The following SLC39A14 variants were observed in gnomAD, a reference collection of about 807,000 sequenced individuals.
SLC39A14 encodes metal cation symporter ZIP14.
A neutral mutation model predicts 45.5 loss-of-function variants in SLC39A14; 19 were observed. The ratio of observed to expected loss-of-function variants is 0.42; its 90% confidence interval spans 0.29 to 0.61. The LOEUF is 0.61. Among genes scored for constraint, SLC39A14 ranks in the 20% least tolerant of loss-of-function variants. The pLI is 0.22. For synonymous variants in SLC39A14, 264 were observed against 251.3 expected (o/e 1.05, Z -0.48); for missense variants, 447 against 616.5 (o/e 0.73, Z 2.91).
intron 1 of SLC39A14, among the ~76,000 whole-genome samples, chr8:22,373,833 C>T (rs1833063379): frequency 6.6e-6 from 1 of 151,124 alleles, no homozygotes. Flanking sequence ...AGCGCAATCT[C>T]ACCGCAACCT....
chr8:22,406,617 A>G (rs1835228860), intron 2 of SLC39A14, among the ~76,000 whole-genome samples: 1 of 152,200 alleles, frequency 6.6e-6, no homozygotes, highest in Non-Finnish European at 1.5e-5. Flanking sequence ...GCTTGAGCCC[A>G]GGAGGCAGAG....
chr8:22,422,866 C>A, downstream of SLC39A14: 1 of 255,158 alleles, frequency 3.9e-6, no homozygotes, highest in Non-Finnish European at 6.2e-6. Context: ...TCTTGTCGCC[C>A]AGGCTGGAGT....
rs770187651 is a variant in SLC39A14, at chr8:22,416,183, C to T, written c.1050C>T (p.Ile350=). 1.4e-5 allele frequency: 23 copies of T among 1,613,942 alleles called. No homozygotes were observed. The highest frequency in any genetic ancestry group is 1.7e-4 in the Middle Eastern group (1 of 6,042). ...ITLSDGLHNF[I]DGLAIGASFT... is the part of the protein sequence containing the mutation. ...TGAGCGACGGCCTCCATAATTTCAT[C>T]GATGGCCTGGCCATCGGTGCTTCCT... is the stretch of plus-strand genomic sequence containing the variant. The change falls in exon 7 of 9, where the codon ATC becomes ATT. Residue 350 remains isoleucine, a synonymous_variant. Coordinates refer to ENST00000381237, the MANE Select transcript of SLC39A14 (RefSeq NM_001128431.4).
intron 1 of SLC39A14, among the ~76,000 whole-genome samples, chr8:22,369,882 G>A (rs1187776155): frequency 3.9e-5 from 6 of 152,152 alleles, no homozygotes; most frequent in African/African-American, 1.2e-4. Flanking sequence ...TTGTAGGAAT[G>A]GTGTGAGCCC....
rs905109025 is a variant in SLC39A14, at chr8:22,432,459, T to C, written c.1333-1432T>C. Among the ~76,000 whole-genome samples the C allele has an allele frequency of 6.0e-5, 9 of 149,606 alleles. No individual in the cohort carries two copies. The East Asian group carries it at 1.4e-3, about 23-fold the overall frequency. The stretch of plus-strand genomic sequence containing the variant: ...CTCTCTCTTCTCCCTCCTTCCTTTT[T>C]CTCTCTCTCTCTCTCTTTTTCTCTC... On this transcript the variant is annotated intron_variant, in intron 8 of 8. Coordinates refer to the SLC39A14 transcript ENST00000240095.
rs557586159 is a variant in SLC39A14, at chr8:22,413,318, A to T, written c.627+1112A>T. ...TGGATCCTTAGGTTAACTCCATGGC[A>T]TCGATAGAACAAGTAACGTTTTACC... On this transcript the variant is annotated intron_variant, in intron 4 of 8. Transcript: ENST00000381237. Among the ~76,000 whole-genome samples, 264 of 152,286 alleles carry T rather than the reference A, an allele frequency of 1.7e-3. 1 individual carries two copies. Among genetic ancestry groups the T allele is most frequent in the Middle Eastern group, 3.4e-3 (1 of 294 alleles).
Position 22,419,863 on chromosome 8 carries a change from TC to T in SLC39A14, c.*167del. The T allele has an allele frequency of 7.5e-7, 1 of 1,338,980 alleles. No individual in the cohort carries two copies. Among genetic ancestry groups the T allele is most frequent in the Non-Finnish European group, 9.5e-7 (1 of 1,048,252 alleles). 82.9% of individuals were successfully genotyped at this position (1,338,980 alleles called of 1,614,324 possible). A position where few individuals can be genotyped will look rare whatever the true frequency, so the allele number is the denominator to read the frequency against. The stretch of plus-strand genomic sequence containing the variant: ...TGTCAGCCGTTTGTAAAATGCTGTA[TC>T]CTAGGAATAAGCTGCCCTGGTAACC... On this transcript the variant is annotated 3_prime_UTR_variant, in exon 9 of 9. Coordinates refer to ENST00000381237, the MANE Select transcript of SLC39A14 (RefSeq NM_001128431.4).
Position 22,408,402 on chromosome 8 carries a change from C to T in SLC39A14, c.363C>T (p.Ile121=). 6.2e-7 allele frequency: 1 copy of T among 1,614,248 alleles called. No individual in the cohort carries two copies. Among genetic ancestry groups the T allele is most frequent in the Non-Finnish European group, 8.5e-7 (1 of 1,180,046 alleles). ...SSELQEFCPT[I]LQQLDSRACT... ...AGCTCCAGGAGTTCTGCCCCACCAT[C>T]CTCCAGCAGCTGGATTCCCGGGCCT... The change falls in exon 3 of 9, where the codon ATC becomes ATT. Residue 121 remains isoleucine, a synonymous_variant. Transcript: ENST00000381237.
chr8:22,374,542 G>A (rs1833103926), intron 1 of SLC39A14, among the ~76,000 whole-genome samples: 1 of 147,118 alleles, frequency 6.8e-6, no homozygotes, highest in South Asian at 2.2e-4. Context: ...CCGTGTGAAT[G>A]CTGGTGGGAT....
At position 22,422,393 on chromosome 8, in the gene SLC39A14, A is replaced by C; in HGVS notation, c.*2695A>C. ...CTGGTCCTTAACCTTGGGTTTTAAA[A>C]AGAAGGCTTCTCTGTTTGGGTAGCG... is the stretch of plus-strand genomic sequence containing the variant. On this transcript the variant is annotated 3_prime_UTR_variant, in exon 9 of 9. Coordinates refer to ENST00000381237, the MANE Select transcript of SLC39A14 (RefSeq NM_001128431.4). 3.0e-6 allele frequency: 3 copies of C among 985,854 alleles called. No homozygotes were observed. The highest frequency in any genetic ancestry group is 3.6e-6 in the Non-Finnish European group (3 of 829,928). The allele number at this position is 985,854 out of a possible 1,614,324, so 61.1% of individuals were successfully genotyped here.
chr8:22,408,070 G>T (rs1256893154), intron 2 of SLC39A14, among the ~76,000 whole-genome samples: 1 of 152,142 alleles, frequency 6.6e-6, no homozygotes, highest in African/African-American at 2.4e-5. Context: ...ATTTACCGAC[G>T]GTTGTGCTTA....
At chr8:22,400,413 C>A (rs781728018) in intron 1 of SLC39A14, among the ~76,000 whole-genome samples, 8 of 152,208 alleles carry the variant, frequency 5.3e-5, no homozygotes, top group Non-Finnish European at 1.0e-4. Flanking sequence ...CTTTTCTTTT[C>A]TAAATACAGG....
chr8:22,394,247 C>T (rs1834244394), intron 1 of SLC39A14, among the ~76,000 whole-genome samples: 1 of 151,524 alleles, frequency 6.6e-6, no homozygotes. Context: ...CCTCGTGATC[C>T]ACCTGCCTCA....
chr8:22,411,966 G>T, intron 3 of SLC39A14, 71 bp from the exon 4 acceptor site: 1 of 1,391,418 alleles, frequency 7.2e-7, no homozygotes, highest in South Asian at 1.4e-5. Context: ...CTAAATGGTG[G>T]TTGCTGTGCA....
chr8:22,414,035 C>T (rs1279829524), intron 4 of SLC39A14, among the ~76,000 whole-genome samples: 2 of 152,090 alleles, frequency 1.3e-5, no homozygotes, highest in Admixed American at 1.3e-4. Context: ...CCACCTCGGT[C>T]CTTTAAAGTG....
intron 1 of SLC39A14, among the ~76,000 whole-genome samples, chr8:22,368,742 T>G (rs1323551626): frequency 6.6e-6 from 1 of 151,926 alleles, no homozygotes; most frequent in Non-Finnish European, 1.5e-5. Flanking sequence ...TTCACCGTGT[T>G]AGCCAGGATG....
At chr8:22,400,624 G>C (rs870215) in intron 1 of SLC39A14, among the ~76,000 whole-genome samples, 6 of 152,112 alleles carry the variant, frequency 3.9e-5, no homozygotes, top group African/African-American at 1.2e-4. Flanking sequence ...ACAAACCGTC[G>C]TTGTGGCTGA....
intron 7 of SLC39A14, among the ~76,000 whole-genome samples, chr8:22,417,304 GAGAA>G (rs748002323): frequency 2.6e-4 from 39 of 152,228 alleles, no homozygotes; most frequent in Non-Finnish European, 5.4e-4. Flanking sequence ...TTAAAATCCT[GAGAA>G]AGATTTTCAG....
chr8:22,409,899 C>T (rs758049906), intron 3 of SLC39A14: 6 of 1,606,454 alleles, frequency 3.7e-6, no homozygotes, highest in Middle Eastern at 2.0e-4. Context: ...CAGGAGTGTC[C>T]CCACCCTCAG....
Sources: allele counts gnomAD v4.1 joint callset (sites outside exome capture counted in the v4.1 genomes callset), GRCh38; gene constraint gnomAD v4.1.1; transcripts MANE v1.5; gene names NCBI Gene and HGNC (gene_info 2026-07-23, HGNC 2026-07-21).